TAP1: variants seen among roughly 807,000 people sequenced by gnomAD.
TAP1 encodes antigen peptide transporter 1.
In TAP1, 56 loss-of-function variants were observed where a neutral mutation model predicts 79.3. That is an observed-to-expected ratio of 0.71 (90% CI 0.57 to 0.88). The LOEUF (loss-of-function observed/expected upper bound fraction) is 0.88. Ranked by LOEUF, TAP1 falls within the 40% of genes least tolerant of loss-of-function variation. The pLI, the probability that TAP1 is intolerant of heterozygous loss-of-function variation, is 0.00. For missense variants in TAP1, 737 were observed against 936.3 expected (o/e 0.79, Z 2.78); for synonymous variants, 355 against 401.4 (o/e 0.88, Z 1.38).
At chr6:32,849,153 G>T in intron 5 of TAP1, 35 bp from the exon 6 acceptor site, 1 of 1,558,974 alleles carries the variant, frequency 6.4e-7, no homozygotes, top group South Asian at 1.2e-5. Context: ...GACTGAGGTA[G>T]AGAAATCTGG....
chr6:32,850,502 C>A lies in TAP1; in HGVS notation c.1066G>T (p.Val356Leu). The A allele has an allele frequency of 1.2e-6, 2 of 1,612,898 alleles. No homozygotes were observed. Among genetic ancestry groups the A allele is most frequent in the Non-Finnish European group, 1.7e-6 (2 of 1,180,028 alleles). Residue 356 changes from valine to leucine, a missense_variant, in exon 5 of 11, where the codon GTG (valine) becomes TTG (leucine). Coordinates refer to ENST00000354258, the MANE Select transcript of TAP1 (RefSeq NM_000593.6). This position sits in a 1 kb window ranked among gnomAD's most constrained non-coding sequence, Gnocchi z 5.5. ...GKWYQLLEVQVRESLAKSSQV... is the reference protein window; with the variant it reads ...GKWYQLLEVQLRESLAKSSQV... ...CTGGACTTTGCCAGAGATTCCCGCA[C>A]CTGCACTTCCAGCAACTGTGGATAC...
rs192572056 is a variant in TAP1, at chr6:32,848,058, G to A, written c.1601C>T (p.Thr534Met). 3.8e-5 allele frequency: 61 copies of A among 1,612,430 alleles called. 2 individuals carry two copies. The highest frequency in any genetic ancestry group is 1.1e-4 in the South Asian group (10 of 90,970). ...LTFTLRPGEV[T>M]ALVGPNGSGK... The stretch of plus-strand genomic sequence containing the variant: ...AGACCCATTGGGTCCCACCAGCGCC[G>A]TCACCTCGCCAGGGCGTAGGGTGAA... The change falls in exon 8 of 11, where the codon ACG (threonine) becomes ATG (methionine). Residue 534 changes from threonine (T) to methionine (M), a missense_variant. Thr to Met is a moderately conservative substitution (Grantham distance 81). This residue lies in a region of TAP1 where 266 missense variants were observed against 332.4 expected (regional missense o/e 0.80). Coordinates refer to ENST00000354258, the MANE Select transcript of TAP1 (RefSeq NM_000593.6).
Position 32,852,262 on chromosome 6 carries a change from G to T in TAP1, c.714-23C>A, listed in dbSNP as rs1248258827. The T allele has an allele frequency of 3.7e-6, 6 of 1,612,982 alleles. No individual in the cohort carries two copies. The East Asian group carries it at 1.3e-4, about 36-fold the overall frequency. ...GCACTATAAAGAACCCGGAAAAAAA[G>T]GGGATCAGGGTGTGTTCAGGGAACA... On this transcript the variant is annotated intron_variant, in intron 2 of 10. Coordinates refer to ENST00000354258, the MANE Select transcript of TAP1 (RefSeq NM_000593.6). This position sits in a 1 kb window ranked among gnomAD's most constrained non-coding sequence, Gnocchi z 4.8.
Position 32,851,156 on chromosome 6 carries a change from G to T in TAP1, c.845-7C>A, listed in dbSNP as rs772517101. 1.2e-6 allele frequency: 2 copies of T among 1,612,754 alleles called. No homozygotes were observed. The highest frequency in any genetic ancestry group is 1.7e-6 in the Non-Finnish European group (2 of 1,179,864). On this transcript the variant is annotated splice_region_variant and splice_polypyrimidine_tract_variant and intron_variant, in intron 3 of 10. Coordinates refer to ENST00000354258, the MANE Select transcript of TAP1 (RefSeq NM_000593.6). This position sits in a 1 kb window ranked among gnomAD's most constrained non-coding sequence, Gnocchi z 4.8. ...ACCCGAGACATGATGTTACCTGCAG[G>T]GTTGGGGAGAAGAGAGTGAGGTGAA...
chr6:32,851,013 G>A lies in TAP1; in HGVS notation c.981C>T (p.Leu327=). ...LGIMLWGSVS[L]TMVTLITLPL... Reference sequence around the variant, plus strand: ...GCAGGGTGATCAGGGTGACCATGGTGAGGGACACTGATCCCCAGAGCATGA... The same window carrying A: ...GCAGGGTGATCAGGGTGACCATGGTAAGGGACACTGATCCCCAGAGCATGA... Residue 327 remains leucine, a synonymous_variant, in exon 4 of 11, where the codon CTC becomes CTT. Coordinates refer to ENST00000354258, the MANE Select transcript of TAP1 (RefSeq NM_000593.6). This position sits in a 1 kb window ranked among gnomAD's most constrained non-coding sequence, Gnocchi z 4.8. The A allele has an allele frequency of 1.9e-6, 3 of 1,613,000 alleles. No homozygotes were observed. The highest frequency in any genetic ancestry group is 2.5e-6 in the Non-Finnish European group (3 of 1,180,006).
rs1413589036 is a variant in TAP1 at position 32,852,654 on chromosome 6, T to C, written c.599-152A>G. On this transcript the variant is annotated intron_variant, in intron 1 of 10. Transcript: ENST00000354258. This position sits in a 1 kb window ranked among gnomAD's most constrained non-coding sequence, Gnocchi z 4.8. ...CTGACGTCTCAATCCCGAACCTAAA[T>C]AGGCTGCCCTGGAACTCACTACCCT... 2.0e-6 allele frequency: 3 copies of C among 1,528,918 alleles called. No homozygotes were observed. The highest frequency in any genetic ancestry group is 2.6e-6 in the Non-Finnish European group (3 of 1,140,126). The allele number at this position is 1,528,918 out of a possible 1,614,324, so 94.7% of individuals were successfully genotyped here. A position where few individuals can be genotyped will look rare whatever the true frequency, so the allele number is the denominator to read the frequency against.
In TAP1 at chr6:32,852,067, T is replaced by G; in HGVS notation, c.844+42A>C. The G allele has an allele frequency of 6.2e-7, 1 of 1,612,526 alleles. No individual in the cohort carries two copies. The highest frequency in any genetic ancestry group is 8.5e-7 in the Non-Finnish European group (1 of 1,179,874). On this transcript the variant is annotated intron_variant, in intron 3 of 10. Transcript: ENST00000354258. This position sits in a 1 kb window ranked among gnomAD's most constrained non-coding sequence, Gnocchi z 4.8. ...AGATCAAAGCAGATGTATGAGGATA[T>G]GAACAGTACATGGCGTATAATGAAA...
In TAP1 at chr6:32,848,055, G is replaced by A. The variant is rs370875392; in HGVS notation, c.1604C>T (p.Ala535Val). 33 of 1,612,638 alleles carry A rather than the reference G, an allele frequency of 2.0e-5. No individual in the cohort carries two copies. Among genetic ancestry groups the A allele is most frequent in the East Asian group, 2.2e-5 (1 of 44,866 alleles). The change falls in exon 8 of 11, where the codon GCG becomes GTG. Residue 535 changes from alanine to valine, a missense_variant. By Grantham distance (64) the Ala-to-Val change is moderately conservative. This residue lies in a region of TAP1 where 266 missense variants were observed against 332.4 expected (regional missense o/e 0.80). Coordinates refer to ENST00000354258, the MANE Select transcript of TAP1 (RefSeq NM_000593.6). ...TFTLRPGEVT[A>V]LVGPNGSGKS... Reference sequence around the variant, plus strand: ...CCCAGACCCATTGGGTCCCACCAGCGCCGTCACCTCGCCAGGGCGTAGGGT... The same window carrying A: ...CCCAGACCCATTGGGTCCCACCAGCACCGTCACCTCGCCAGGGCGTAGGGT...
chr6:32,847,290 G>A lies in TAP1; in HGVS notation c.1904-86C>T, dbSNP rs1023510599. 12 of 1,575,934 alleles carry A rather than the reference G, an allele frequency of 7.6e-6. No homozygotes were observed. The highest frequency in any genetic ancestry group is 7.0e-5 in the Admixed American group (4 of 57,136). On this transcript the variant is annotated intron_variant, in intron 9 of 10. Coordinates refer to ENST00000354258, the MANE Select transcript of TAP1 (RefSeq NM_000593.6). This position sits in a 1 kb window ranked among gnomAD's most constrained non-coding sequence, Gnocchi z 4.7. ...CACACAGACACACTCATGCATTCACGCACTCACACACACCAAGATCTGACG... is the reference window on the plus strand; with the variant it reads ...CACACAGACACACTCATGCATTCACACACTCACACACACCAAGATCTGACG...
chr6:32,848,220 T>C, intron 7 of TAP1, 128 bp from the exon 8 acceptor site: 1 of 1,234,166 alleles, frequency 8.1e-7, no homozygotes, highest in Non-Finnish European at 1.1e-6. Context: ...ACTCCTACCC[T>C]CCCACATGCA....
rs1770870113 is a variant in TAP1, at chr6:32,852,729, C to A, written c.599-227G>T. The A allele has an allele frequency of 4.1e-6, 6 of 1,451,042 alleles. No homozygotes were observed. The highest frequency in any genetic ancestry group is 5.4e-6 in the Non-Finnish European group (6 of 1,109,114). The allele number at this position is 1,451,042 out of a possible 1,614,324, so 89.9% of individuals were successfully genotyped here. A position where few individuals can be genotyped will look rare whatever the true frequency, so the allele number is the denominator to read the frequency against. ...GGATTTTATTAGGAAGGCTGGAGAT[C>A]ATGAAGTAGAAAAGCCTCCTGTTAG... On this transcript the variant is annotated intron_variant, in intron 1 of 10. Coordinates refer to ENST00000354258, the MANE Select transcript of TAP1 (RefSeq NM_000593.6). This position sits in a 1 kb window ranked among gnomAD's most constrained non-coding sequence, Gnocchi z 4.8.
rs979365748 is a variant in TAP1 at position 32,847,681 on chromosome 6, A to C, written c.1741-6T>G. ...TCTTGTCCCACTGCAGCCACCTGAG[A>C]TGAAATATGATGAAGAGTCATAGAA... On this transcript the variant is annotated splice_polypyrimidine_tract_variant and splice_region_variant and intron_variant, in intron 8 of 10. Coordinates refer to ENST00000354258, the MANE Select transcript of TAP1 (RefSeq NM_000593.6). This position sits in a 1 kb window ranked among gnomAD's most constrained non-coding sequence, Gnocchi z 4.7. The C allele has an allele frequency of 6.2e-7, 1 of 1,613,560 alleles. No individual in the cohort carries two copies. The highest frequency in any genetic ancestry group is 8.5e-7 in the Non-Finnish European group (1 of 1,179,962).
In TAP1 at chr6:32,853,333, C is replaced by T; in HGVS notation, c.304G>A (p.Ala102Thr). 6.3e-7 allele frequency: 1 copy of T among 1,581,772 alleles called. No individual in the cohort carries two copies. The highest frequency in any genetic ancestry group is 8.6e-7 in the Non-Finnish European group (1 of 1,163,544). ...AGTCCCGGCAGGGCCAAGCCCAGTG[C>T]CGCAGCTAATGGCTTCAAAGCAGCC... ...WLAALKPLAA[A>T]LGLALPGLAL... is the part of the protein sequence containing the mutation. Residue 102 changes from alanine to threonine, a missense_variant, in exon 1 of 11, where the codon GCA (alanine) becomes ACA (threonine). This residue lies in a region of TAP1 where 406 missense variants were observed against 477.2 expected (regional missense o/e 0.85). Transcript: ENST00000354258. The surrounding 1 kb of genome is among the most constrained non-coding windows in gnomAD (Gnocchi z 8.3).
rs1770700504 is a variant in TAP1, at chr6:32,850,252, A to G, written c.1248+68T>C. On this transcript the variant is annotated intron_variant, in intron 5 of 10. Coordinates refer to ENST00000354258, the MANE Select transcript of TAP1 (RefSeq NM_000593.6). The surrounding 1 kb of genome is among the most constrained non-coding windows in gnomAD (Gnocchi z 5.5). ...GTAAAGGAGGAGTGGGAGCAGGGTC[A>G]TAGGAATGGGAATGGAGTCACGGCA... 6.5e-7 allele frequency: 1 copy of G among 1,533,776 alleles called. No individual in the cohort carries two copies.
At position 32,848,647 on chromosome 6, in the gene TAP1, T is replaced by C. The variant is rs769239860; in HGVS notation, c.1566+5A>G. ...CAGTGGAATACAGGGAGTGGTAGGT[T>C]GTACCTGTAGCACTAAGACATCTGG... On this transcript the variant is annotated splice_donor_5th_base_variant and intron_variant, in intron 7 of 10. Coordinates refer to ENST00000354258, the MANE Select transcript of TAP1 (RefSeq NM_000593.6). 4 of 1,613,804 alleles carry C rather than the reference T, an allele frequency of 2.5e-6. No individual in the cohort carries two copies. In the South Asian group the frequency reaches 4.4e-5, roughly 18 times the overall value.
intron 10 of TAP1, among the ~76,000 whole-genome samples, 178 bp downstream of exon 10, chr6:32,846,890 T>C (rs55868116): frequency 7.6e-4 from 115 of 152,192 alleles, no homozygotes; most frequent in Non-Finnish European, 1.5e-3. Flanking sequence ...TGATTCTAGG[T>C]GTCTTTGCCT....
In TAP1 at chr6:32,845,961, G is replaced by T; in HGVS notation, c.2041-176C>A. 3.1e-6 allele frequency: 2 copies of T among 654,278 alleles called. No homozygotes were observed. The highest frequency in any genetic ancestry group is 5.5e-6 in the Non-Finnish European group (2 of 360,608). 40.5% of individuals were successfully genotyped at this position (654,278 alleles called of 1,614,324 possible). A position where few individuals can be genotyped will look rare whatever the true frequency, so the allele number is the denominator to read the frequency against. ...TCCGCAAACCCTTTGTTTCATTAAGGACTGTTTTACATGAAGGGTGCAAAA... is the reference window on the plus strand; with the variant it reads ...TCCGCAAACCCTTTGTTTCATTAAGTACTGTTTTACATGAAGGGTGCAAAA... On this transcript the variant is annotated intron_variant, in intron 10 of 10. Transcript: ENST00000354258. This position sits in a 1 kb window ranked among gnomAD's most constrained non-coding sequence, Gnocchi z 4.5.
Position 32,850,292 on chromosome 6 carries a change from G to A in TAP1, c.1248+28C>T, listed in dbSNP as rs1177780054. 6.2e-7 allele frequency: 1 copy of A among 1,607,888 alleles called. No homozygotes were observed. The highest frequency in any genetic ancestry group is 8.5e-7 in the Non-Finnish European group (1 of 1,174,252). On this transcript the variant is annotated intron_variant, in intron 5 of 10. Coordinates refer to ENST00000354258, the MANE Select transcript of TAP1 (RefSeq NM_000593.6). This position sits in a 1 kb window ranked among gnomAD's most constrained non-coding sequence, Gnocchi z 5.5. ...GAGTCACGGCATCTTAAGGACAAGG[G>A]AATGGGTATTCATCTTCAGGTGCTC... is the stretch of plus-strand genomic sequence containing the variant.
In TAP1 at chr6:32,847,675, C is replaced by T; in HGVS notation, c.1741G>A (p.Val581Met). 2 of 1,613,672 alleles carry T rather than the reference C, an allele frequency of 1.2e-6. No individual in the cohort carries two copies. Among genetic ancestry groups the T allele is most frequent in the Non-Finnish European group, 1.7e-6 (2 of 1,179,990 alleles). The change falls in exon 9 of 11, where the codon GTG becomes ATG. Residue 581 changes from valine to methionine, a missense_variant and splice_region_variant. By Grantham distance (21) the Val-to-Met change is conservative (BLOSUM62 1). This residue lies in a region of TAP1 where 266 missense variants were observed against 332.4 expected (regional missense o/e 0.80). Transcript: ENST00000354258. This position sits in a 1 kb window ranked among gnomAD's most constrained non-coding sequence, Gnocchi z 4.7. ...TGTGGCTCTTGTCCCACTGCAGCCACCTGAGATGAAATATGATGAAGAGTC... is the reference window on the plus strand; with the variant it reads ...TGTGGCTCTTGTCCCACTGCAGCCATCTGAGATGAAATATGATGAAGAGTC... ...QYEHRYLHRQ[V>M]AAVGQEPQVF... is the part of the protein sequence containing the mutation.
Sources: allele counts gnomAD v4.1 joint callset (sites outside exome capture counted in the v4.1 genomes callset), GRCh38; gene constraint gnomAD v4.1.1; regional missense constraint gnomAD v4.1.1; non-coding constraint Gnocchi (gnomAD v3.1); transcripts MANE v1.5; gene names NCBI Gene and HGNC (gene_info 2026-07-23, HGNC 2026-07-21).